The following ARHGAP42 variants were observed in gnomAD, a reference collection of about 807,000 sequenced individuals.
ARHGAP42 encodes rho GTPase-activating protein 42.
A neutral mutation model predicts 125.0 loss-of-function variants in ARHGAP42; 63 were observed. That is an observed-to-expected ratio of 0.50 (90% confidence interval 0.41 to 0.62). The LOEUF is 0.62. Ranked by LOEUF, ARHGAP42 falls within the 20% of genes least tolerant of loss-of-function variation. The pLI, the probability that ARHGAP42 is intolerant of heterozygous loss-of-function variation, is 0.00. For synonymous variants in ARHGAP42, 339 were observed against 351.0 expected, an observed-to-expected ratio of 0.97 and a Z score of 0.38; for missense variants, 766 against 1,024.2, an observed-to-expected ratio of 0.75 and a Z score of 3.44.
intron 6 of ARHGAP42, 131 bp downstream of exon 6, chr11:100,921,735 G>T: frequency 1.6e-6 from 1 of 606,904 alleles, no homozygotes; most frequent in East Asian, 3.2e-5. Flanking sequence ...AGTGGGAAGG[G>T]ATGAAAAAGT....
chr11:100,968,432 C>T (rs1363509723), intron 17 of ARHGAP42, among the ~76,000 whole-genome samples: 1 of 152,100 alleles, frequency 6.6e-6, no homozygotes. Flanking sequence ...TCATATACAT[C>T]TTATCAGAAT....
chr11:100,725,964 G>C (rs1591130571), intron 1 of ARHGAP42, among the ~76,000 whole-genome samples: 2 of 150,202 alleles, frequency 1.3e-5, no homozygotes, highest in Admixed American at 6.6e-5. Flanking sequence ...CAGGCATGGT[G>C]GTGCGTACCT....
chr11:100,852,748 C>T (rs981696118), intron 3 of ARHGAP42, among the ~76,000 whole-genome samples: 1 of 152,136 alleles, frequency 6.6e-6, no homozygotes, highest in Non-Finnish European at 1.5e-5. Flanking sequence ...AATGGGGCAA[C>T]TGTGTTACAG....
intron 1 of ARHGAP42, among the ~76,000 whole-genome samples, chr11:100,750,556 C>G (rs1447634487): frequency 6.9e-6 from 1 of 145,050 alleles, no homozygotes; most frequent in African/African-American, 2.6e-5. Flanking sequence ...GCACGTGGCC[C>G]CTGCTGCTGT....
intron 4 of ARHGAP42, among the ~76,000 whole-genome samples, chr11:100,891,176 C>T (rs931664309): frequency 2.6e-5 from 4 of 152,084 alleles, no homozygotes; most frequent in Non-Finnish European, 5.9e-5. Flanking sequence ...ACATATGTTT[C>T]ATAGGGTTTT....
chr11:100,725,873 T>G (rs1191317763), intron 1 of ARHGAP42, among the ~76,000 whole-genome samples: 2 of 144,058 alleles, frequency 1.4e-5, no homozygotes, highest in Non-Finnish European at 3.0e-5. Flanking sequence ...AGGCGGAGCT[T>G]GCAATGAGCC....
chr11:100,888,947 C>T (rs1331296034), intron 4 of ARHGAP42, among the ~76,000 whole-genome samples: 1 of 152,164 alleles, frequency 6.6e-6, no homozygotes, highest in East Asian at 1.9e-4. Context: ...AAGCTTTTCT[C>T]TCCTCGGAGT....
intron 2 of ARHGAP42, among the ~76,000 whole-genome samples, chr11:100,787,267 G>C (rs1052801289): frequency 1.3e-5 from 2 of 150,498 alleles, no homozygotes; most frequent in Non-Finnish European, 3.0e-5. Context: ...AACAGAGTGA[G>C]ACTCCGTCTC....
In ARHGAP42 at chr11:100,914,507, G is replaced by T. The variant is rs1413690092; in HGVS notation, c.486+954G>T. Among the ~76,000 whole-genome samples the T allele has an allele frequency of 5.1e-5, 3 of 58,540 alleles. No homozygotes were observed. In the Admixed American group the frequency reaches 7.1e-4, roughly 14 times the overall value. The allele number at this position is 58,540 out of a possible 152,430, so 38.4% of individuals were successfully genotyped here. On this transcript the variant is annotated intron_variant, in intron 5 of 23. Coordinates refer to ENST00000298815, the MANE Select transcript of ARHGAP42 (RefSeq NM_152432.4). ...CAGACTCCCTTGCCATTGTCACCTT[G>T]AGAACAACAACAACAACAACAACAA...
chr11:100,821,232 T>G (rs1864398608), intron 3 of ARHGAP42, among the ~76,000 whole-genome samples: 1 of 152,130 alleles, frequency 6.6e-6, no homozygotes, highest in Non-Finnish European at 1.5e-5. Flanking sequence ...CAGGACTGGA[T>G]AGAATTCTGG....
intron 3 of ARHGAP42, among the ~76,000 whole-genome samples, chr11:100,802,707 C>T (rs1037600619): frequency 6.6e-6 from 1 of 152,192 alleles, no homozygotes; most frequent in African/African-American, 2.4e-5. Context: ...GGATTACAGG[C>T]GTGAGCCACT....
chr11:100,859,380 C>G, intron 3 of ARHGAP42, 174 bp from the exon 4 acceptor site: 1 of 456,156 alleles, frequency 2.2e-6, no homozygotes, highest in Non-Finnish European at 3.9e-6. Context: ...AAATAATATG[C>G]GAAAACAGCT....
At chr11:100,743,321 A>T (rs1233119807) in intron 1 of ARHGAP42, among the ~76,000 whole-genome samples, 1 of 152,164 alleles carries the variant, frequency 6.6e-6, no homozygotes, top group Admixed American at 6.5e-5. Flanking sequence ...TCCTTCATTT[A>T]TGAAAATTAG....
chr11:100,706,883 C>A (rs1861489027), intron 1 of ARHGAP42, among the ~76,000 whole-genome samples: 1 of 152,160 alleles, frequency 6.6e-6, no homozygotes, highest in South Asian at 2.1e-4. Context: ...GAAACTCTAT[C>A]CCCATTAGCT....
chr11:100,745,879 A>C (rs934370841), intron 1 of ARHGAP42, among the ~76,000 whole-genome samples: 4 of 152,164 alleles, frequency 2.6e-5, no homozygotes, highest in Non-Finnish European at 5.9e-5. Context: ...CACCCACCAA[A>C]ATATTGACTC....
intron 1 of ARHGAP42, among the ~76,000 whole-genome samples, chr11:100,761,936 C>G (rs1158372489): frequency 6.6e-6 from 1 of 152,166 alleles, no homozygotes; most frequent in African/African-American, 2.4e-5. Flanking sequence ...GAGGAGCTTA[C>G]GATTCAGAGG....
rs144891532 is a variant in ARHGAP42 at position 100,791,239 on chromosome 11, G to A, written c.251-3866G>A. ...TAGGCAGTTTGGATCTGCCTGGCTTGTGTCAGAGGTTTCTGTTAGACTTTG... is the reference window on the plus strand; with the variant it reads ...TAGGCAGTTTGGATCTGCCTGGCTTATGTCAGAGGTTTCTGTTAGACTTTG... On this transcript the variant is annotated intron_variant, in intron 2 of 23. Transcript: ENST00000298815. 6.6e-3 allele frequency among the ~76,000 whole-genome samples: 1,009 copies of A among 152,270 alleles called. 15 individuals carry two copies. Among genetic ancestry groups the A allele is most frequent in the African/African-American group, 0.023 (941 of 41,540 alleles).
At chr11:100,895,513 T>TA (rs964025341) in intron 4 of ARHGAP42, among the ~76,000 whole-genome samples, 6 of 146,934 alleles carry the variant, frequency 4.1e-5, no homozygotes, top group Non-Finnish European at 7.5e-5. Flanking sequence ...TTTTTTTTTT[T>TA]AATCCTAAGA....
chr11:100,752,821 C>A (rs2120353601), intron 1 of ARHGAP42, among the ~76,000 whole-genome samples: 1 of 152,324 alleles, frequency 6.6e-6, no homozygotes, highest in East Asian at 1.9e-4. Context: ...GTGGTGCAGG[C>A]TATAGTGATA....
Sources: gnomAD v4.1 joint callset for allele counts (sites outside exome capture counted in the v4.1 genomes callset) on GRCh38, gnomAD v4.1.1 for gene constraint, MANE v1.5 for transcripts, NCBI Gene and HGNC (gene_info 2026-07-23, HGNC 2026-07-21) for gene names.